Variants in PTPRN2 observed in about 807,000 individuals in gnomAD.
PTPRN2 encodes protein tyrosine phosphatase receptor type N2, also known as receptor-type tyrosine-protein phosphatase N2.
PTPRN2 carries 74 observed loss-of-function variants against 118.8 expected under a neutral mutation model. The ratio of observed to expected loss-of-function variants is 0.62; its 90% CI spans 0.52 to 0.76. The LOEUF (loss-of-function observed/expected upper bound fraction) is 0.76. PTPRN2 is among the 30% of genes least tolerant of loss of function. The probability of loss-of-function intolerance (pLI) is 0.00; values close to 1 mark genes in which losing one functional copy is unlikely to be tolerated. For synonymous variants in PTPRN2, 641 were observed against 608.0 expected, an observed-to-expected ratio of 1.05 and a Z score of -0.80; for missense variants, 1,481 against 1,394.4, an observed-to-expected ratio of 1.06 and a Z score of -0.99.
At chr7:158,547,087 TGCAG>T (rs1474350922) in intron 1 of PTPRN2, among the ~76,000 whole-genome samples, 1 of 152,344 alleles carries the variant, frequency 6.6e-6, no homozygotes, top group East Asian at 1.9e-4. Flanking sequence ...AGGGGTTCTG[TGCAG>T]GCAAAGTGGC....
At chr7:157,554,809 T>C (rs1412298026) in intron 21 of PTPRN2, among the ~76,000 whole-genome samples, 2 of 152,252 alleles carry the variant, frequency 1.3e-5, no homozygotes, top group Non-Finnish European at 2.9e-5. Context: ...CCCAGGCGTT[T>C]TCCACCTAAG....
chr7:158,528,557 G>T (rs1229960774), intron 1 of PTPRN2, among the ~76,000 whole-genome samples: 1 of 151,850 alleles, frequency 6.6e-6, no homozygotes, highest in Non-Finnish European at 1.5e-5. Flanking sequence ...GAGGCTGAGG[G>T]GGACGGATCA....
rs1468673902 is a variant in PTPRN2, at chr7:157,595,314, A to G, written c.2420T>C (p.Met807Thr). The G allele has an allele frequency of 8.7e-6, 14 of 1,614,076 alleles. No homozygotes were observed. Among genetic ancestry groups the G allele is most frequent in the Non-Finnish European group, 1.2e-5 (14 of 1,179,998 alleles). Reference protein sequence around the residue: ...HSDYINASPIMDHDPRNPAYI... With the variant: ...HSDYINASPITDHDPRNPAYI... ...CGCGGGGTTCCTCGGGTCGTGATCC[A>G]TCTGCAGAGACAAGACCACACCACA... The change falls in exon 17 of 23, where the codon ATG becomes ACG. Residue 807 changes from methionine (M) to threonine (T), a missense_variant and splice_region_variant. Coordinates refer to ENST00000389418, the MANE Select transcript of PTPRN2 (RefSeq NM_002847.5).
chr7:157,751,597 C>T (rs975272825), intron 12 of PTPRN2, among the ~76,000 whole-genome samples: 2 of 151,996 alleles, frequency 1.3e-5, no homozygotes, highest in Admixed American at 6.6e-5. Flanking sequence ...CTAAGACACA[C>T]GAGATCATTG....
Position 157,540,726 on chromosome 7 carries a change from G to T in PTPRN2, c.3036C>A (p.Ala1012=), listed in dbSNP as rs1335877155. The T allele has an allele frequency of 3.8e-6, 6 of 1,565,050 alleles. No homozygotes were observed. Among genetic ancestry groups the T allele is most frequent in the Non-Finnish European group, 5.2e-6 (6 of 1,154,372 alleles). ...CTGAGGCTGCCGCTCACTGGGGAAG[G>T]GCCTTGAGGATGGCGTTCACCTCCT... ...VAEEVNAILK[A]LPQ is the part of the protein sequence containing the mutation. Residue 1012 remains alanine, a synonymous_variant, in exon 23 of 23, where the codon GCC becomes GCA. Coordinates refer to ENST00000389418, the MANE Select transcript of PTPRN2 (RefSeq NM_002847.5).
chr7:158,562,958 C>T (rs1222383722), intron 1 of PTPRN2, among the ~76,000 whole-genome samples: 1 of 152,236 alleles, frequency 6.6e-6, no homozygotes, highest in African/African-American at 2.4e-5. Context: ...TAGTGCATGG[C>T]AGAGGCCGAG....
intron 11 of PTPRN2, among the ~76,000 whole-genome samples, chr7:157,940,222 GC>G (rs1307192335): frequency 6.6e-6 from 1 of 152,152 alleles, no homozygotes; most frequent in Non-Finnish European, 1.5e-5. Context: ...TTATAACTCA[GC>G]CCCGGCTCCT....
intron 11 of PTPRN2, among the ~76,000 whole-genome samples, chr7:157,933,500 T>G (rs1203079070): frequency 1.4e-5 from 2 of 139,272 alleles, no homozygotes; most frequent in African/African-American, 5.5e-5. Context: ...GTCACTCTGA[T>G]TGACAGCTTT....
chr7:158,092,859 C>A (rs1814304067), intron 10 of PTPRN2, among the ~76,000 whole-genome samples: 2 of 152,204 alleles, frequency 1.3e-5, no homozygotes. Flanking sequence ...AGCCCTGTGT[C>A]TGGCCTTGAG....
intron 6 of PTPRN2, among the ~76,000 whole-genome samples, chr7:158,139,739 G>A (rs747586816): frequency 2.0e-5 from 3 of 152,162 alleles, no homozygotes; most frequent in Non-Finnish European, 4.4e-5. Context: ...GGTCCCAGGA[G>A]CGCAGAGGCC....
chr7:158,037,133 T>C (rs1488191285), intron 11 of PTPRN2, among the ~76,000 whole-genome samples: 2 of 152,196 alleles, frequency 1.3e-5, no homozygotes, highest in Non-Finnish European at 2.9e-5. Context: ...AATTTAAAAA[T>C]AATCCTGATC....
In PTPRN2 at chr7:157,832,036, C is replaced by T. The variant is rs138969598; in HGVS notation, c.1788+66637G>A. 5.2e-3 allele frequency among the ~76,000 whole-genome samples: 785 copies of T among 152,254 alleles called. 4 individuals are homozygous for T. The highest frequency in any genetic ancestry group is 0.014 in the Middle Eastern group (4 of 294). On this transcript the variant is annotated intron_variant, in intron 12 of 22. Coordinates refer to ENST00000389418, the MANE Select transcript of PTPRN2 (RefSeq NM_002847.5). ...GTCCTCCCGGAGCACCTGGCACCTCCGCTAATTCTCCGGGGTGGAGGCACT... is the reference window on the plus strand; with the variant it reads ...GTCCTCCCGGAGCACCTGGCACCTCTGCTAATTCTCCGGGGTGGAGGCACT...
chr7:158,192,240 G>C (rs1825821393), intron 5 of PTPRN2, 87 bp downstream of exon 5: 1 of 1,324,320 alleles, frequency 7.6e-7, no homozygotes, highest in African/African-American at 1.6e-5. Context: ...AAAGCCAAGA[G>C]GAGCCAGCGA....
chr7:158,464,985 A>C (rs946606713), intron 2 of PTPRN2, among the ~76,000 whole-genome samples: 19 of 152,358 alleles, frequency 1.2e-4, no homozygotes, highest in African/African-American at 4.6e-4. Flanking sequence ...TGAAGTTCAG[A>C]AAGGCTAAGT....
At chr7:157,727,937 A>G (rs1799689892) in intron 12 of PTPRN2, among the ~76,000 whole-genome samples, 1 of 151,704 alleles carries the variant, frequency 6.6e-6, no homozygotes, top group Admixed American at 6.6e-5. Context: ...ATCCTTCCAC[A>G]CTCAGAGCCT....
chr7:158,279,529 C>A (rs2150994048), intron 3 of PTPRN2, among the ~76,000 whole-genome samples: 1 of 152,324 alleles, frequency 6.6e-6, no homozygotes, highest in South Asian at 2.1e-4. Flanking sequence ...GACAGAGACC[C>A]ACCATCATGG....
At chr7:158,064,915 T>C (rs1810639997) in intron 11 of PTPRN2, among the ~76,000 whole-genome samples, 1 of 152,160 alleles carries the variant, frequency 6.6e-6, no homozygotes, top group Admixed American at 6.5e-5. Flanking sequence ...TTATGGATGA[T>C]GGATGCTTCA....
chr7:157,990,785 T>C lies in PTPRN2; in HGVS notation c.1723+90513A>G, dbSNP rs557081809. On this transcript the variant is annotated intron_variant, in intron 11 of 22. Coordinates refer to ENST00000389418, the MANE Select transcript of PTPRN2 (RefSeq NM_002847.5). The surrounding 1 kb of genome is among the most constrained non-coding windows in gnomAD (Gnocchi z 4.3). ...GTCACCGAGCTTCCCTCCGATACAG[T>C]GGGAGGGAGGACTTGGCGCACAGTG... Among the ~76,000 whole-genome samples the C allele has an allele frequency of 8.6e-5, 13 of 151,012 alleles. No homozygotes were observed. The highest frequency in any genetic ancestry group is 3.2e-4 in the African/African-American group (13 of 41,078).
chr7:157,956,316 C>T (rs1563272577), intron 11 of PTPRN2, among the ~76,000 whole-genome samples: 2 of 152,236 alleles, frequency 1.3e-5, no homozygotes, highest in African/African-American at 2.4e-5. Context: ...TAGCCGTGAT[C>T]GCTCCGGTCC....
Sources: allele counts gnomAD v4.1 joint callset (sites outside exome capture counted in the v4.1 genomes callset), GRCh38; gene constraint gnomAD v4.1.1; non-coding constraint Gnocchi (gnomAD v3.1); transcripts MANE v1.5; gene names NCBI Gene and HGNC (gene_info 2026-07-23, HGNC 2026-07-21).